PLCB1: variants seen among roughly 807,000 people sequenced by gnomAD.
The protein encoded by PLCB1 is 1-phosphatidylinositol 4,5-bisphosphate phosphodiesterase beta-1.
Under a neutral mutation model 161.8 loss-of-function variants are expected in PLCB1, and 46 were observed. The observed-to-expected ratio is 0.28, with a 90% CI of 0.22 to 0.36. PLCB1 has a LOEUF of 0.36. PLCB1 is among the 10% of genes least tolerant of loss of function. The probability of loss-of-function intolerance (pLI) is 1.00; values close to 1 mark genes in which losing one functional copy is unlikely to be tolerated. For synonymous variants in PLCB1, 517 were observed against 503.7 expected, an observed-to-expected ratio of 1.03 and a Z score of -0.35; for missense variants, 1,016 against 1,472.5, an observed-to-expected ratio of 0.69 and a Z score of 5.07.
At chr20:8,507,627 G>A (rs1182985074) in intron 3 of PLCB1, among the ~76,000 whole-genome samples, 3 of 152,138 alleles carry the variant, frequency 2.0e-5, no homozygotes, top group Non-Finnish European at 4.4e-5. Flanking sequence ...CAGAGAAATT[G>A]CAGATCTGGA....
At chr20:8,408,485 G>A in intron 3 of PLCB1, among the ~76,000 whole-genome samples, 1 of 151,776 alleles carries the variant, frequency 6.6e-6, no homozygotes, top group East Asian at 1.9e-4. Flanking sequence ...AATAGGTACT[G>A]TAAAACTGTT....
At chr20:8,550,243 G>GT (rs1270293265) in intron 3 of PLCB1, among the ~76,000 whole-genome samples, 1 of 152,150 alleles carries the variant, frequency 6.6e-6, no homozygotes, top group Non-Finnish European at 1.5e-5. Flanking sequence ...GTTTTGAAAT[G>GT]TGAGGACATG....
At chr20:8,406,064 T>C (rs922027387) in intron 3 of PLCB1, among the ~76,000 whole-genome samples, 3 of 152,026 alleles carry the variant, frequency 2.0e-5, no homozygotes, top group Admixed American at 2.0e-4. Flanking sequence ...CATCATTGCC[T>C]GTATGTGTGA....
chr20:8,324,807 T>A (rs1600315765), intron 2 of PLCB1, among the ~76,000 whole-genome samples: 2 of 152,360 alleles, frequency 1.3e-5, no homozygotes, highest in East Asian at 3.9e-4. Context: ...AAAAAAAATT[T>A]ACTTATGCTC....
intron 3 of PLCB1, among the ~76,000 whole-genome samples, chr20:8,473,420 G>A (rs2294553): frequency 0.037 from 5,653 of 152,110 alleles, 186 homozygotes; most frequent in East Asian, 0.17. Context: ...GATGTCTTTG[G>A]CATTCCTAGA....
intron 27 of PLCB1, among the ~76,000 whole-genome samples, chr20:8,779,538 A>T: frequency 2.3e-5 from 3 of 130,324 alleles, no homozygotes; most frequent in South Asian, 2.6e-4. Flanking sequence ...AAAAAAAAGG[A>T]TCTGTGTCCC....
chr20:8,259,634 A>T (rs1396842999), intron 2 of PLCB1, among the ~76,000 whole-genome samples: 1 of 152,064 alleles, frequency 6.6e-6, no homozygotes, highest in African/African-American at 2.4e-5. Flanking sequence ...AATAATATAA[A>T]GTCTCCACTA....
chr20:8,231,245 A>G (rs752053013), intron 2 of PLCB1, among the ~76,000 whole-genome samples: 5 of 152,132 alleles, frequency 3.3e-5, no homozygotes, highest in Non-Finnish European at 4.4e-5. Context: ...CCTCAGCACT[A>G]TTGACATTTG....
intron 31 of PLCB1, among the ~76,000 whole-genome samples, chr20:8,878,073 C>T (rs1276163294): frequency 2.6e-5 from 4 of 152,130 alleles, no homozygotes; most frequent in Admixed American, 2.6e-4. Flanking sequence ...TTGTATTTTA[C>T]TTCTTTTGTT....
intron 3 of PLCB1, among the ~76,000 whole-genome samples, chr20:8,453,745 G>A (rs983616504): frequency 1.3e-5 from 2 of 152,128 alleles, no homozygotes; most frequent in Non-Finnish European, 2.9e-5. Context: ...GAAATAAAGG[G>A]ATAAACCATG....
At chr20:8,281,033 G>A (rs943992794) in intron 2 of PLCB1, among the ~76,000 whole-genome samples, 5 of 152,170 alleles carry the variant, frequency 3.3e-5, no homozygotes, top group African/African-American at 1.2e-4. Flanking sequence ...TTTCTGGCCT[G>A]TGTACCTTTC....
chr20:8,593,421 T>C (rs1987217883), intron 3 of PLCB1, among the ~76,000 whole-genome samples: 1 of 152,058 alleles, frequency 6.6e-6, no homozygotes, highest in Admixed American at 6.5e-5. Context: ...CTTCAACTCC[T>C]GGCTTCAAGC....
chr20:8,623,407 T>C (rs1168469456), intron 3 of PLCB1, among the ~76,000 whole-genome samples: 1 of 152,226 alleles, frequency 6.6e-6, no homozygotes, highest in Non-Finnish European at 1.5e-5. Flanking sequence ...CAGATGAAGA[T>C]GCATGGCTAA....
At chr20:8,507,537 G>A (rs1323302605) in intron 3 of PLCB1, among the ~76,000 whole-genome samples, 1 of 152,102 alleles carries the variant, frequency 6.6e-6, no homozygotes, top group African/African-American at 2.4e-5. Context: ...ACATTTTAAG[G>A]CGTATGTTTT....
intron 2 of PLCB1, among the ~76,000 whole-genome samples, chr20:8,172,869 C>A (rs566706469): frequency 2.0e-4 from 30 of 152,220 alleles, no homozygotes; most frequent in African/African-American, 7.2e-4. Context: ...TTATGTTTCC[C>A]CCAGCCAGTA....
chr20:8,200,263 A>T (rs888518823), intron 2 of PLCB1, among the ~76,000 whole-genome samples: 4 of 152,024 alleles, frequency 2.6e-5, no homozygotes, highest in African/African-American at 9.7e-5. Flanking sequence ...TAGAAAATCC[A>T]TTGTTACTCT....
chr20:8,663,058 C>A (rs1449451363), intron 9 of PLCB1, among the ~76,000 whole-genome samples: 1 of 151,982 alleles, frequency 6.6e-6, no homozygotes, highest in East Asian at 1.9e-4. Context: ...GTGTTGATCT[C>A]AGTGCTGATG....
chr20:8,858,575 A>T (rs11087827), intron 31 of PLCB1, among the ~76,000 whole-genome samples: 43,048 of 151,958 alleles, frequency 0.28, 7,388 homozygotes, highest in East Asian at 0.65. Context: ...TAGGCTCTCT[A>T]CAGTGTGAGT....
intron 9 of PLCB1, among the ~76,000 whole-genome samples, chr20:8,676,889 T>C (rs577215293): frequency 7.9e-5 from 12 of 152,322 alleles, no homozygotes; most frequent in African/African-American, 2.4e-4. Context: ...AGTATACACA[T>C]ATCATTAATG....
Sources: allele counts gnomAD v4.1 joint callset (sites outside exome capture counted in the v4.1 genomes callset), GRCh38; gene constraint gnomAD v4.1.1; transcripts MANE v1.5; gene names NCBI Gene and HGNC (gene_info 2026-07-23, HGNC 2026-07-21).